Variants in PLEKHA1 observed in about 807,000 individuals in gnomAD.
PLEKHA1 encodes the protein pleckstrin homology domain-containing family A member 1.
PLEKHA1 carries 34 observed loss-of-function variants against 52.0 expected under a neutral mutation model. The observed-to-expected ratio is 0.65, with a 90% confidence interval of 0.50 to 0.87. The LOEUF (loss-of-function observed/expected upper bound fraction) is 0.87. Among genes scored for constraint, PLEKHA1 ranks in the 40% least tolerant of loss-of-function variants. The pLI is 0.00. For missense variants in PLEKHA1, 497 were observed against 504.2 expected (o/e 0.99, Z 0.14); for synonymous variants, 163 against 170.7 (o/e 0.95, Z 0.35).
At chr10:122,397,095 C>A (rs117304075) in intron 2 of PLEKHA1, among the ~76,000 whole-genome samples, 1 of 152,046 alleles carries the variant, frequency 6.6e-6, no homozygotes, top group Non-Finnish European at 1.5e-5. Context: ...TGCATTACAG[C>A]CCCACATAGC....
rs1370921294 is a variant in PLEKHA1, at chr10:122,430,706, A to G, written c.*768A>G. On this transcript the variant is annotated 3_prime_UTR_variant, in exon 12 of 12. Coordinates refer to ENST00000368990, the MANE Select transcript of PLEKHA1 (RefSeq NM_001001974.4). ...TGATTTTCTTATCCAAGTTTTGTAAATAGTTGTTATTTCTATATTTGGATT... is the reference window on the plus strand; with the variant it reads ...TGATTTTCTTATCCAAGTTTTGTAAGTAGTTGTTATTTCTATATTTGGATT... 2 of 152,202 alleles carry G rather than the reference A, an allele frequency of 1.3e-5. No homozygotes were observed. Among genetic ancestry groups the G allele is most frequent in the African/African-American group, 4.8e-5 (2 of 41,438 alleles). 9.4% of individuals were successfully genotyped at this position (152,202 alleles called of 1,614,324 possible).
chr10:122,407,907 A>G (rs1384744196), intron 5 of PLEKHA1, among the ~76,000 whole-genome samples: 1 of 152,232 alleles, frequency 6.6e-6, no homozygotes, highest in Non-Finnish European at 1.5e-5. Context: ...ACAACACAAT[A>G]AAGAGTCAAT....
At chr10:122,424,021 A>G (rs892727766) in intron 8 of PLEKHA1, 178 bp from the exon 9 acceptor site, 11 of 769,944 alleles carry the variant, frequency 1.4e-5, no homozygotes, top group South Asian at 1.2e-4. Context: ...ATATAAGGTT[A>G]TAGTGTTTGA....
chr10:122,382,869 C>CTA (rs1342679896), intron 1 of PLEKHA1, among the ~76,000 whole-genome samples: 5 of 152,000 alleles, frequency 3.3e-5, no homozygotes, highest in African/African-American at 9.7e-5. Context: ...TCTTGTTATA[C>CTA]CTAAAATGTT....
At position 122,429,810 on chromosome 10, in the gene PLEKHA1, C is replaced by A. The variant is rs141904579; in HGVS notation, c.1087C>A (p.Pro363Thr). 36 of 1,614,034 alleles carry A rather than the reference C, an allele frequency of 2.2e-5. No individual in the cohort carries two copies. The highest frequency in any genetic ancestry group is 3.0e-5 in the Non-Finnish European group (35 of 1,180,038). The change falls in exon 12 of 12, where the codon CCA (proline) becomes ACA (threonine). Residue 363 changes from proline (P) to threonine (T), a missense_variant. Pro to Thr is a conservative substitution (Grantham distance 38). Coordinates refer to ENST00000368990, the MANE Select transcript of PLEKHA1 (RefSeq NM_001001974.4). ...PGNFKVQTVS[P>T]REPASKVTEQ... ...GAACTTCAAGGTCCAGACTGTCTCTCCAAGAGAACCAGCTTCCAAAGTGAC... is the reference window on the plus strand; with the variant it reads ...GAACTTCAAGGTCCAGACTGTCTCTACAAGAGAACCAGCTTCCAAAGTGAC...
intron 10 of PLEKHA1, 85 bp downstream of exon 10, chr10:122,425,044 T>A: frequency 8.0e-7 from 1 of 1,247,392 alleles, no homozygotes; most frequent in Non-Finnish European, 1.1e-6. Context: ...ACAAGCTTGT[T>A]GCACTTGAGG....
intron 3 of PLEKHA1, among the ~76,000 whole-genome samples, chr10:122,399,969 T>C (rs1195725075): frequency 6.6e-6 from 1 of 152,194 alleles, no homozygotes; most frequent in Non-Finnish European, 1.5e-5. Context: ...AGAAATATGT[T>C]ATTTGGGAAG....
At chr10:122,439,256 T>G in the PLEKHA1 span, 1 of 152,220 alleles carries the variant, frequency 6.6e-6, no homozygotes, top group Non-Finnish European at 1.5e-5. Context: ...TTTAAAAATC[T>G]GCTAGATTTT....
At chr10:122,379,773 A>AAC (rs1285695933) in intron 1 of PLEKHA1, among the ~76,000 whole-genome samples, 3 of 152,216 alleles carry the variant, frequency 2.0e-5, no homozygotes, top group African/African-American at 7.2e-5. Flanking sequence ...GACATGTTTT[A>AAC]ACAAATAATA....
chr10:122,376,580 T>G (rs1006235810), intron 1 of PLEKHA1, among the ~76,000 whole-genome samples: 1 of 151,218 alleles, frequency 6.6e-6, no homozygotes, highest in East Asian at 1.9e-4. Flanking sequence ...GCGCAGAGCT[T>G]CCAATCTTTA....
rs1323677466 is a variant in PLEKHA1, at chr10:122,429,651, A to C, written c.928A>C (p.Lys310Gln). ...SEHPPGPSES[K>Q]HAFRPTNAAT... Reference sequence around the variant, plus strand: ...GCATCCCCCCGGTCCTTCAGAATCCAAACACGCTTTCCGTCCTACCAACGC... The same window carrying C: ...GCATCCCCCCGGTCCTTCAGAATCCCAACACGCTTTCCGTCCTACCAACGC... Residue 310 changes from lysine (K) to glutamine (Q), a missense_variant, in exon 12 of 12, where the codon AAA (lysine) becomes CAA (glutamine). Transcript: ENST00000368990. The C allele has an allele frequency of 6.2e-7, 1 of 1,614,040 alleles. No homozygotes were observed. Among genetic ancestry groups the C allele is most frequent in the Admixed American group, 1.7e-5 (1 of 60,004 alleles).
chr10:122,414,594 C>G (rs936231016), intron 6 of PLEKHA1, among the ~76,000 whole-genome samples: 1 of 151,886 alleles, frequency 6.6e-6, no homozygotes, highest in African/African-American at 2.4e-5. Context: ...AACTCAGAAC[C>G]CAACAGTAAA....
chr10:122,382,510 C>A (rs1049250689), intron 1 of PLEKHA1, among the ~76,000 whole-genome samples: 1 of 152,140 alleles, frequency 6.6e-6, no homozygotes, highest in African/African-American at 2.4e-5. Context: ...CAATTAGTAA[C>A]AAAACTGTGG....
At chr10:122,427,854 A>G (rs924982173) in intron 11 of PLEKHA1, among the ~76,000 whole-genome samples, 1 of 152,202 alleles carries the variant, frequency 6.6e-6, no homozygotes, top group Non-Finnish European at 1.5e-5. Flanking sequence ...TTACTATGAC[A>G]TATATGCTAG....
the PLEKHA1 span, chr10:122,437,527 G>C: frequency 3.3e-5 from 5 of 152,204 alleles, no homozygotes; most frequent in Non-Finnish European, 7.3e-5. Context: ...GCTATTGAAG[G>C]CTTTGAAACT....
chr10:122,434,519 A>G (rs978375117), downstream of PLEKHA1: 1 of 152,122 alleles, frequency 6.6e-6, no homozygotes, highest in South Asian at 2.1e-4. Flanking sequence ...TAAAAGCTAC[A>G]TCTGTCTTGG....
At chr10:122,414,578 A>G (rs926193699) in intron 6 of PLEKHA1, among the ~76,000 whole-genome samples, 1 of 152,148 alleles carries the variant, frequency 6.6e-6, no homozygotes, top group Non-Finnish European at 1.5e-5. Flanking sequence ...TCTAGAACAT[A>G]GAAAGAACTC....
At position 122,401,139 on chromosome 10, in the gene PLEKHA1, A is replaced by G. The variant is rs78979535; in HGVS notation, c.244+751A>G. ...ACTACATGCAGAGGCTTGTGGGGAG[A>G]AGAGCGTGGTGTCTCTGGAGCTGAA... On this transcript the variant is annotated intron_variant, in intron 4 of 11. Transcript: ENST00000368990. Among the ~76,000 whole-genome samples the G allele has an allele frequency of 3.1e-3, 478 of 152,242 alleles. 4 individuals carry two copies. Among genetic ancestry groups the G allele is most frequent in the African/African-American group, 0.01 (425 of 41,548 alleles).
chr10:122,420,245 TAACC>T (rs1396683226), intron 8 of PLEKHA1: 1 of 152,236 alleles, frequency 6.6e-6, no homozygotes, highest in Non-Finnish European at 1.5e-5. Context: ...TTAAAAACTA[TAACC>T]AGTTTATCTT....
Sources: allele counts gnomAD v4.1 joint callset (sites outside exome capture counted in the v4.1 genomes callset), GRCh38; gene constraint gnomAD v4.1.1; transcripts MANE v1.5; gene names NCBI Gene and HGNC (gene_info 2026-07-23, HGNC 2026-07-21).